The following LDLRAD3 variants were observed in gnomAD, a reference collection of about 807,000 sequenced individuals.
The protein encoded by LDLRAD3 is low-density lipoprotein receptor class A domain-containing protein 3.
In LDLRAD3, 20 loss-of-function variants were observed where a neutral mutation model predicts 29.4. The ratio of observed to expected loss-of-function variants is 0.68; its 90% CI spans 0.48 to 0.99. The LOEUF (loss-of-function observed/expected upper bound fraction) is 0.99. Ranked by LOEUF, LDLRAD3 falls within the 50% of genes least tolerant of loss-of-function variation. The pLI, the probability that LDLRAD3 is intolerant of heterozygous loss-of-function variation, is 0.00. For missense variants in LDLRAD3, 420 were observed against 454.3 expected (o/e 0.92, Z 0.69); for synonymous variants, 157 against 192.7 (o/e 0.81, Z 1.53).
intron 1 of LDLRAD3, among the ~76,000 whole-genome samples, chr11:36,031,382 C>A (rs889109847): frequency 1.3e-5 from 2 of 152,100 alleles, no homozygotes; most frequent in Non-Finnish European, 2.9e-5. Context: ...TCCAGACACC[C>A]CCATGTCCCT....
chr11:35,958,229 ATTT>A (rs1851229899), intron 1 of LDLRAD3, among the ~76,000 whole-genome samples: 1 of 152,214 alleles, frequency 6.6e-6, no homozygotes, highest in African/African-American at 2.4e-5. Flanking sequence ...CACCCAGCCT[ATTT>A]CAGATGCTCA....
At chr11:36,216,461 A>G (rs11033500) in intron 4 of LDLRAD3, among the ~76,000 whole-genome samples, 25,103 of 152,164 alleles carry the variant, frequency 0.16, 3,133 homozygotes, top group African/African-American at 0.35. Flanking sequence ...AAGTTTTGTC[A>G]AATGCTACTT....
At chr11:36,145,872 A>G (rs1466652876) in intron 4 of LDLRAD3, among the ~76,000 whole-genome samples, 5 of 151,918 alleles carry the variant, frequency 3.3e-5, no homozygotes, top group Admixed American at 2.0e-4. Context: ...ACACTGCGGA[A>G]GGCTGCAGGG....
At chr11:36,160,814 G>T (rs548213324) in intron 4 of LDLRAD3, among the ~76,000 whole-genome samples, 1 of 152,164 alleles carries the variant, frequency 6.6e-6, no homozygotes, top group Admixed American at 6.5e-5. Flanking sequence ...CGTGGGGAGG[G>T]ACAGAGTTTC....
chr11:36,214,999 G>A (rs997240802), intron 4 of LDLRAD3, among the ~76,000 whole-genome samples: 27 of 152,332 alleles, frequency 1.8e-4, no homozygotes, highest in African/African-American at 6.5e-4. Context: ...AATGTACAAT[G>A]ACAGGCAGTA....
Position 36,101,076 on chromosome 11 carries a change from C to T in LDLRAD3, c.454+2615C>T, listed in dbSNP as rs537980092. Among the ~76,000 whole-genome samples, 7 of 152,306 alleles carry T rather than the reference C, an allele frequency of 4.6e-5. No individual in the cohort carries two copies. In the South Asian group the frequency reaches 1.2e-3, roughly 27 times the overall value. On this transcript the variant is annotated intron_variant, in intron 4 of 5. Transcript: ENST00000315571. ...AAGCCCAACTCTTGACACATACTTT[C>T]CTTAGAATCTCAGCTTTGTGCCTTC...
chr11:36,011,088 AGC>A lies in LDLRAD3; in HGVS notation c.47-25014_47-25013del, dbSNP rs1851949996. On this transcript the variant is annotated intron_variant, in intron 1 of 5. Coordinates refer to ENST00000315571, the MANE Select transcript of LDLRAD3 (RefSeq NM_174902.4). ...CCAAAGTGCTGCAATTACAGGCGTG[AGC>A]CACCGCACCCAGCCCCTCTTAGTAA... is the stretch of plus-strand genomic sequence containing the variant. Among the ~76,000 whole-genome samples, 5 of 152,190 alleles carry A rather than the reference AGC, an allele frequency of 3.3e-5. No individual in the cohort carries two copies. The South Asian group carries it at 1.0e-3, about 32-fold the overall frequency.
intron 2 of LDLRAD3, among the ~76,000 whole-genome samples, chr11:36,048,383 C>T (rs1852482644): frequency 6.6e-6 from 1 of 152,118 alleles, no homozygotes; most frequent in South Asian, 2.1e-4. Flanking sequence ...CCCATTGACA[C>T]CCCCACCCCC....
chr11:36,110,374 T>G (rs77949359), intron 4 of LDLRAD3, among the ~76,000 whole-genome samples: 13,846 of 152,092 alleles, frequency 0.091, 846 homozygotes, highest in African/African-American at 0.17. Context: ...CTCTCCCCGG[T>G]GAATGGCGGA....
chr11:36,209,039 G>A (rs1422897798), intron 4 of LDLRAD3, among the ~76,000 whole-genome samples: 2 of 152,204 alleles, frequency 1.3e-5, no homozygotes, highest in African/African-American at 2.4e-5. Flanking sequence ...AATATGCTCT[G>A]ATACTCTTTT....
chr11:35,985,017 T>C (rs1203688976), intron 1 of LDLRAD3, among the ~76,000 whole-genome samples: 1 of 149,728 alleles, frequency 6.7e-6, no homozygotes. Flanking sequence ...CTCGAACTCC[T>C]GGGCTCAAGC....
At chr11:36,167,901 CA>C (rs1854538421) in intron 4 of LDLRAD3, among the ~76,000 whole-genome samples, 1 of 152,178 alleles carries the variant, frequency 6.6e-6, no homozygotes, top group Non-Finnish European at 1.5e-5. Context: ...CACATGGATG[CA>C]GTGTCTGGAA....
At chr11:36,019,024 TA>T (rs2133195589) in intron 1 of LDLRAD3, among the ~76,000 whole-genome samples, 1 of 152,340 alleles carries the variant, frequency 6.6e-6, no homozygotes, top group East Asian at 1.9e-4. Flanking sequence ...TAAAACTCTA[TA>T]AAAGACCAAG....
At chr11:36,165,964 C>CCCT (rs1854508302) in intron 4 of LDLRAD3, among the ~76,000 whole-genome samples, 1 of 117,434 alleles carries the variant, frequency 8.5e-6, no homozygotes, top group African/African-American at 3.5e-5. Flanking sequence ...CTCCCTCCCT[C>CCCT]CCTCCCTCCC....
intron 1 of LDLRAD3, among the ~76,000 whole-genome samples, chr11:35,970,746 A>C (rs1851401842): frequency 6.6e-6 from 1 of 152,238 alleles, no homozygotes; most frequent in African/African-American, 2.4e-5. Context: ...AAGTCCATGC[A>C]TTCATTTTCA....
At chr11:36,225,680 T>C (rs770171483) in intron 4 of LDLRAD3, among the ~76,000 whole-genome samples, 8 of 152,052 alleles carry the variant, frequency 5.3e-5, no homozygotes, top group Non-Finnish European at 1.2e-4. Flanking sequence ...TCAGGGGAAC[T>C]GACTTCTCTG....
At chr11:36,059,511 C>T (rs1184239693) in intron 2 of LDLRAD3, among the ~76,000 whole-genome samples, 2 of 151,652 alleles carry the variant, frequency 1.3e-5, no homozygotes, top group Non-Finnish European at 2.9e-5. Context: ...CCCTGCCATC[C>T]CTGGGCACTC....
chr11:36,206,071 T>C (rs939909814), intron 4 of LDLRAD3, among the ~76,000 whole-genome samples: 2 of 152,202 alleles, frequency 1.3e-5, no homozygotes, highest in Admixed American at 6.5e-5. Flanking sequence ...ATTTCTTATT[T>C]CTTCTCAACT....
intron 4 of LDLRAD3, among the ~76,000 whole-genome samples, chr11:36,124,510 C>A (rs11033441): frequency 0.18 from 27,363 of 151,916 alleles, 2,559 homozygotes; most frequent in Middle Eastern, 0.24. Flanking sequence ...ATTCCCTTAA[C>A]CACGGCTCTC....
Sources: gnomAD v4.1 joint callset for allele counts (sites outside exome capture counted in the v4.1 genomes callset) on GRCh38, gnomAD v4.1.1 for gene constraint, MANE v1.5 for transcripts, NCBI Gene and HGNC (gene_info 2026-07-23, HGNC 2026-07-21) for gene names.